The following CSMD1 variants were observed in gnomAD, a reference collection of about 807,000 sequenced individuals.
CSMD1 encodes CUB and Sushi multiple domains 1.
In CSMD1, 213 loss-of-function variants were observed where a neutral mutation model predicts 417.5. The ratio of observed to expected loss-of-function variants is 0.51; its 90% CI spans 0.46 to 0.57. The LOEUF (loss-of-function observed/expected upper bound fraction) is 0.57, where lower values mean the gene tolerates loss of function less well. Ranked by LOEUF, CSMD1 falls within the 20% of genes least tolerant of loss-of-function variation. The pLI, the probability that CSMD1 is intolerant of heterozygous loss-of-function variation, is 0.00. For missense variants in CSMD1, 6,923 were observed against 4,529.7 expected (o/e 1.53, Z -15.17); for synonymous variants, 2,862 against 1,736.8 (o/e 1.65, Z -16.11).
intron 2 of CSMD1, among the ~76,000 whole-genome samples, chr8:4,441,352 ATCC>A (rs1462184931): frequency 2.0e-5 from 3 of 149,820 alleles, no homozygotes; most frequent in Non-Finnish European, 4.4e-5. Flanking sequence ...GCCCCAAGCA[ATCC>A]TCCTGTCTGA....
At chr8:3,269,448 G>A (rs1489099349) in intron 26 of CSMD1, among the ~76,000 whole-genome samples, 1 of 152,224 alleles carries the variant, frequency 6.6e-6, no homozygotes, top group Admixed American at 6.5e-5. Flanking sequence ...GCCATGGGCA[G>A]CACCAAAGGC....
intron 2 of CSMD1, among the ~76,000 whole-genome samples, chr8:4,554,612 T>A (rs1387369826): frequency 5.9e-5 from 9 of 152,216 alleles, no homozygotes; most frequent in Non-Finnish European, 1.0e-4. Flanking sequence ...GTTCTCAGGA[T>A]GTGTTGATTT....
chr8:4,103,720 C>T (rs945142884), intron 3 of CSMD1, among the ~76,000 whole-genome samples: 1 of 152,044 alleles, frequency 6.6e-6, no homozygotes, highest in East Asian at 1.9e-4. Flanking sequence ...ATAAGAGTTC[C>T]TTTATCCAAG....
intron 3 of CSMD1, among the ~76,000 whole-genome samples, chr8:4,157,078 C>T (rs898726929): frequency 1.6e-4 from 24 of 152,152 alleles, no homozygotes; most frequent in African/African-American, 4.6e-4. Flanking sequence ...ATGGACCCGC[C>T]ATGGCCAGGG....
intron 2 of CSMD1, among the ~76,000 whole-genome samples, chr8:4,420,276 T>A (rs1315826036): frequency 6.6e-6 from 1 of 152,186 alleles, no homozygotes; most frequent in African/African-American, 2.4e-5. Flanking sequence ...TTAAATAACT[T>A]GAGAGAATTT....
At chr8:3,804,346 A>G (rs1187903981) in intron 5 of CSMD1, among the ~76,000 whole-genome samples, 2 of 152,208 alleles carry the variant, frequency 1.3e-5, no homozygotes, top group Non-Finnish European at 2.9e-5. Flanking sequence ...GTCTTAAAAG[A>G]AGCAGTATCA....
chr8:3,898,803 T>A (rs764520777), intron 5 of CSMD1, among the ~76,000 whole-genome samples: 1 of 152,186 alleles, frequency 6.6e-6, no homozygotes, highest in Admixed American at 6.5e-5. Context: ...ACATCTTCCC[T>A]AAATTTAATT....
chr8:3,128,822 G>C (rs1470830295), intron 41 of CSMD1: 4 of 440,042 alleles, frequency 9.1e-6, no homozygotes, highest in African/African-American at 2.1e-5. Context: ...TTAATTGAAA[G>C]TCCTTTCTTC....
chr8:4,012,519 C>G (rs1172866350), intron 4 of CSMD1, among the ~76,000 whole-genome samples: 1 of 152,072 alleles, frequency 6.6e-6, no homozygotes, highest in African/African-American at 2.4e-5. Flanking sequence ...TGCATGATCC[C>G]TACACCCAGG....
At position 4,194,444 on chromosome 8, in the gene CSMD1, C is replaced by G. The variant is rs550556554; in HGVS notation, c.416-162345G>C. ...TAAAATATCTAACAATAAATGGTGA[C>G]AAAGGCCTGAATTACAATAGCGCCC... On this transcript the variant is annotated intron_variant, in intron 3 of 69. Coordinates refer to ENST00000635120, the MANE Select transcript of CSMD1 (RefSeq NM_033225.6). Among the ~76,000 whole-genome samples the G allele has an allele frequency of 8.5e-5, 13 of 152,202 alleles. No homozygotes were observed. In the East Asian group the frequency reaches 1.9e-3, roughly 23 times the overall value.
intron 2 of CSMD1, among the ~76,000 whole-genome samples, chr8:4,462,211 G>T (rs1799878203): frequency 6.6e-6 from 1 of 152,042 alleles, no homozygotes; most frequent in African/African-American, 2.4e-5. Flanking sequence ...ATAGTAATAA[G>T]CTGAACATGA....
rs547048054 is a variant in CSMD1 at position 3,546,096 on chromosome 8, G to C, written c.1344+28849C>G. On this transcript the variant is annotated intron_variant, in intron 10 of 69. Transcript: ENST00000635120. Reference sequence around the variant, plus strand: ...CCCTTGCTAACAAATGTAAATAGCAGTAAAATCCAAGAAAATATGTTTTGC... The same window carrying C: ...CCCTTGCTAACAAATGTAAATAGCACTAAAATCCAAGAAAATATGTTTTGC... Among the ~76,000 whole-genome samples the C allele has an allele frequency of 5.3e-5, 8 of 152,290 alleles. No homozygotes were observed. The South Asian group carries it at 1.7e-3, about 32-fold the overall frequency.
chr8:3,717,675 T>C (rs2129043338), intron 6 of CSMD1, among the ~76,000 whole-genome samples: 1 of 152,318 alleles, frequency 6.6e-6, no homozygotes, highest in East Asian at 1.9e-4. Flanking sequence ...GCATTGTATA[T>C]ATAAGTTGAT....
At chr8:4,697,257 C>T (rs1807194238) in intron 1 of CSMD1, among the ~76,000 whole-genome samples, 1 of 152,036 alleles carries the variant, frequency 6.6e-6, no homozygotes, top group Non-Finnish European at 1.5e-5. Context: ...TGTAAAGGCC[C>T]TTAGAACATA....
At chr8:3,837,626 A>C (rs10216665) in intron 5 of CSMD1, among the ~76,000 whole-genome samples, 1 of 152,080 alleles carries the variant, frequency 6.6e-6, no homozygotes, top group Non-Finnish European at 1.5e-5. Flanking sequence ...GCGTTTGTGG[A>C]ATTTTCTGCG....
intron 21 of CSMD1, 130 bp downstream of exon 21, chr8:3,359,022 T>G: frequency 7.8e-6 from 6 of 772,374 alleles, no homozygotes; most frequent in Non-Finnish European, 1.1e-5. Context: ...GTTGGCAGAG[T>G]GGAGCCCACA....
At position 4,093,679 on chromosome 8, in the gene CSMD1, G is replaced by A. The variant is rs77030095; in HGVS notation, c.416-61580C>T. Among the ~76,000 whole-genome samples, 808 of 152,260 alleles carry A rather than the reference G, an allele frequency of 5.3e-3. 6 individuals carry two copies. Among genetic ancestry groups the A allele is most frequent in the African/African-American group, 0.018 (768 of 41,556 alleles). On this transcript the variant is annotated intron_variant, in intron 3 of 69. Transcript: ENST00000635120. ...ATTTTAAAAAGGAAAGCAACAGAAC[G>A]GCCGGGTGCAGAGGCTCACAACTGT... is the stretch of plus-strand genomic sequence containing the variant.
At chr8:4,646,160 G>T (rs190307733) in intron 1 of CSMD1, among the ~76,000 whole-genome samples, 1 of 152,266 alleles carries the variant, frequency 6.6e-6, no homozygotes, top group East Asian at 1.9e-4. Context: ...TTTTCTTATA[G>T]AAACATAGCA....
At chr8:3,865,092 T>C (rs529462674) in intron 5 of CSMD1, among the ~76,000 whole-genome samples, 1 of 152,188 alleles carries the variant, frequency 6.6e-6, no homozygotes, top group Admixed American at 6.5e-5. Context: ...TTGGTAACAA[T>C]ACTCCACACA....
Sources: allele counts gnomAD v4.1 joint callset (sites outside exome capture counted in the v4.1 genomes callset), GRCh38; gene constraint gnomAD v4.1.1; transcripts MANE v1.5; gene names NCBI Gene and HGNC (gene_info 2026-07-23, HGNC 2026-07-21).